SPATC1: variants seen among roughly 807,000 people sequenced by gnomAD.
The protein encoded by SPATC1 is speriolin.
A neutral mutation model predicts 36.5 loss-of-function variants in SPATC1; 35 were observed. That is an observed-to-expected ratio of 0.96 (90% CI 0.73 to 1.27). The LOEUF is 1.27. SPATC1 is among the 50% of genes most tolerant of loss of function. The pLI is 0.00. For missense variants in SPATC1, 779 were observed against 796.0 expected (o/e 0.98, Z 0.26); for synonymous variants, 361 against 353.6 (o/e 1.02, Z -0.24).
Position 144,016,720 on chromosome 8 carries a change from C to T in SPATC1, c.211+3994C>T, listed in dbSNP as rs1834402256. 6.6e-6 allele frequency among the ~76,000 whole-genome samples: 1 copy of T among 152,182 alleles called. No homozygotes were observed. Among genetic ancestry groups the T allele is most frequent in the South Asian group, 2.1e-4 (1 of 4,832 alleles). On this transcript the variant is annotated intron_variant, in intron 1 of 4. Transcript: ENST00000377470. This position sits in a 1 kb window ranked among gnomAD's most constrained non-coding sequence, Gnocchi z 4.5. Reference sequence around the variant, plus strand: ...GCGCAATCTCGGCTCACCGCAACCTCCACCTCCCGAGTTCAAGTGATTCTC... The same window carrying T: ...GCGCAATCTCGGCTCACCGCAACCTTCACCTCCCGAGTTCAAGTGATTCTC...
chr8:144,036,271 G>A (rs1296046131), intron 1 of SPATC1, among the ~76,000 whole-genome samples: 2 of 152,090 alleles, frequency 1.3e-5, no homozygotes, highest in Non-Finnish European at 2.9e-5. Context: ...AAGTAAAAGA[G>A]CAGCTGACTG....
intron 1 of SPATC1, among the ~76,000 whole-genome samples, chr8:144,037,652 C>G (rs1170120762): frequency 6.6e-6 from 1 of 151,940 alleles, no homozygotes; most frequent in East Asian, 1.9e-4. Context: ...CTCAAGTACC[C>G]AGGGACACAA....
chr8:144,014,304 T>C lies in SPATC1; in HGVS notation c.211+1578T>C, dbSNP rs1254215193. The stretch of plus-strand genomic sequence containing the variant: ...GAGAGAGAGAGGAAGGAAGGAAGGA[T>C]GGAAGGGAGGGAAAGGAAAAAAGAA... On this transcript the variant is annotated intron_variant, in intron 1 of 4. Transcript: ENST00000377470. 3.7e-5 allele frequency among the ~76,000 whole-genome samples: 4 copies of C among 107,386 alleles called. No homozygotes were observed. The South Asian group carries it at 1.1e-3, about 30-fold the overall frequency. The allele number at this position is 107,386 out of a possible 152,430, so 70.4% of individuals were successfully genotyped here. A position where few individuals can be genotyped will look rare whatever the true frequency, so the allele number is the denominator to read the frequency against.
In SPATC1 at chr8:144,019,455, T is replaced by TGTTGGCC. The variant is rs1441220946; in HGVS notation, c.211+6738_211+6744dup. On this transcript the variant is annotated intron_variant, in intron 1 of 4. Coordinates refer to ENST00000377470, the MANE Select transcript of SPATC1 (RefSeq NM_198572.3). ...TCTGAAGAGGCAGGAAATCAGAAAATGTTGGCCGTTGGCCGAGTTAACTTC... is the reference window on the plus strand; with the variant it reads ...TCTGAAGAGGCAGGAAATCAGAAAATGTTGGCCGTTGGCCGTTGGCCGAGTTAACTTC... Among the ~76,000 whole-genome samples, 18 of 151,932 alleles carry TGTTGGCC rather than the reference T, an allele frequency of 1.2e-4. No individual in the cohort carries two copies. The East Asian group carries it at 3.1e-3, about 26-fold the overall frequency.
Position 144,041,300 on chromosome 8 carries a change from T to C in SPATC1, c.1375T>C (p.Ser459Pro). The stretch of plus-strand genomic sequence containing the variant: ...CTTCCAGCTGGACCGCAGGATCCTG[T>C]CCAGCATCTTCCCAGAGCGCGTACG... ...IAFQLDRRIL[S>P]SIFPERVRLY... Residue 459 changes from serine to proline, a missense_variant, in exon 4 of 5, where the codon TCC (serine) becomes CCC (proline). By Grantham distance (74) the Ser-to-Pro change is moderately conservative. Transcript: ENST00000377470. 1 of 1,613,174 alleles carries C rather than the reference T, an allele frequency of 6.2e-7. No individual in the cohort carries two copies. Among genetic ancestry groups the C allele is most frequent in the Non-Finnish European group, 8.5e-7 (1 of 1,179,998 alleles).
intron 1 of SPATC1, among the ~76,000 whole-genome samples, chr8:144,014,190 G>A (rs1554752813): frequency 6.6e-6 from 1 of 152,126 alleles, no homozygotes; most frequent in Non-Finnish European, 1.5e-5. Context: ...GGCAGAGGTT[G>A]CAGTGAGCCG....
Position 144,046,859 on chromosome 8 carries a change from A to T in SPATC1, c.1679A>T (p.Glu560Val). Residue 560 changes from glutamate (E) to valine (V), a missense_variant, in exon 5 of 5, where the codon GAG (glutamate) becomes GTG (valine). Physicochemically the swap from Glu to Val is moderately radical, Grantham distance 121 (BLOSUM62 -2). Coordinates refer to ENST00000377470, the MANE Select transcript of SPATC1 (RefSeq NM_198572.3). The surrounding 1 kb of genome is among the most constrained non-coding windows in gnomAD (Gnocchi z 6.6). ...TVDFLQRVVVETVHPGMLADA... is the reference protein window; with the variant it reads ...TVDFLQRVVVVTVHPGMLADA... ...GACTTCCTGCAGCGTGTGGTGGTGGAGACCGTGCACCCCGGCATGCTCGCC... is the reference window on the plus strand; with the variant it reads ...GACTTCCTGCAGCGTGTGGTGGTGGTGACCGTGCACCCCGGCATGCTCGCC... The T allele has an allele frequency of 1.2e-6, 2 of 1,601,434 alleles. No homozygotes were observed. Among genetic ancestry groups the T allele is most frequent in the Non-Finnish European group, 1.7e-6 (2 of 1,179,804 alleles).
At position 144,039,821 on chromosome 8, in the gene SPATC1, C is replaced by T. The variant is rs183551771; in HGVS notation, c.212-88C>T. Reference sequence around the variant, plus strand: ...GGGACAGATGGGCACTATGGCCAGGCCCTACCACAGTGACAGAGCCTGTGA... The same window carrying T: ...GGGACAGATGGGCACTATGGCCAGGTCCTACCACAGTGACAGAGCCTGTGA... On this transcript the variant is annotated intron_variant, in intron 1 of 4. Transcript: ENST00000377470. The T allele has an allele frequency of 1.3e-3, 1,840 of 1,396,314 alleles. 15 individuals are homozygous for T. The highest frequency in any genetic ancestry group is 6.7e-4 in the Middle Eastern group (3 of 4,506). 86.5% of individuals were successfully genotyped at this position (1,396,314 alleles called of 1,614,324 possible). A position where few individuals can be genotyped will look rare whatever the true frequency, so the allele number is the denominator to read the frequency against.
chr8:144,029,178 C>T (rs1452276977), intron 1 of SPATC1, among the ~76,000 whole-genome samples: 1 of 119,098 alleles, frequency 8.4e-6, no homozygotes, highest in Non-Finnish European at 1.6e-5. Flanking sequence ...CAAACCTGCA[C>T]ATCCTACACA....
chr8:144,012,305 T>C lies in SPATC1; in HGVS notation c.-211T>C, dbSNP rs1834293750. 1 of 579,474 alleles carries C rather than the reference T, an allele frequency of 1.7e-6. No individual in the cohort carries two copies. Among genetic ancestry groups the C allele is most frequent in the East Asian group, 2.8e-5 (1 of 35,108 alleles). 35.9% of individuals were successfully genotyped at this position (579,474 alleles called of 1,614,324 possible). A position where few individuals can be genotyped will look rare whatever the true frequency, so the allele number is the denominator to read the frequency against. On this transcript the variant is annotated 5_prime_UTR_variant, in exon 1 of 5. Transcript: ENST00000377470. Reference sequence around the variant, plus strand: ...ACATTCCAGGCCGAGGCAAGGCCTGTGTACAGGCCTGGTGGCATGGAGAGC... The same window carrying C: ...ACATTCCAGGCCGAGGCAAGGCCTGCGTACAGGCCTGGTGGCATGGAGAGC...
At chr8:144,025,194 C>T (rs1834651999) in intron 1 of SPATC1, among the ~76,000 whole-genome samples, 1 of 152,118 alleles carries the variant, frequency 6.6e-6, no homozygotes, top group Non-Finnish European at 1.5e-5. Flanking sequence ...GGGCCCTCTC[C>T]CCTTAGCACC....
intron 1 of SPATC1, among the ~76,000 whole-genome samples, chr8:144,035,356 C>T (rs1011828763): frequency 8.5e-5 from 13 of 152,224 alleles, no homozygotes; most frequent in African/African-American, 2.9e-4. Flanking sequence ...ACCCAGCTCA[C>T]GGCAGCCACA....
chr8:144,015,829 G>A (rs1554753153), intron 1 of SPATC1, among the ~76,000 whole-genome samples: 1 of 151,774 alleles, frequency 6.6e-6, no homozygotes, highest in South Asian at 2.1e-4. Flanking sequence ...GGGAGGCCGA[G>A]GTGGAGGATC....
intron 1 of SPATC1, among the ~76,000 whole-genome samples, chr8:144,038,095 T>C (rs1834961111): frequency 2.1e-5 from 3 of 144,874 alleles, no homozygotes; most frequent in South Asian, 4.4e-4. Context: ...ACCACTGCAC[T>C]CCAGCCTGGG....
chr8:144,023,221 CAGGACCTA>C (rs1834585329), intron 1 of SPATC1, among the ~76,000 whole-genome samples: 1 of 139,938 alleles, frequency 7.1e-6, no homozygotes, highest in Non-Finnish European at 1.6e-5. Context: ...CCTCTCCCCT[CAGGACCTA>C]CCCTCTTCCC....
At chr8:144,038,779 T>C (rs1834982345) in intron 1 of SPATC1, among the ~76,000 whole-genome samples, 1 of 152,190 alleles carries the variant, frequency 6.6e-6, no homozygotes, top group Non-Finnish European at 1.5e-5. Flanking sequence ...AAATCCAAAA[T>C]GTCGTATTCA....
In SPATC1 at chr8:144,042,306, TA is replaced by T. The variant is rs1564280942; in HGVS notation, c.1446+936del. 7.7e-3 allele frequency among the ~76,000 whole-genome samples: 545 copies of T among 70,872 alleles called. 3 individuals are homozygous for T. Among genetic ancestry groups the T allele is most frequent in the Non-Finnish European group, 1.0e-2 (411 of 41,240 alleles). The allele number at this position is 70,872 out of a possible 152,430, so 46.5% of individuals were successfully genotyped here. A position where few individuals can be genotyped will look rare whatever the true frequency, so the allele number is the denominator to read the frequency against. ...GCTAATATATATATATATATATATATATATATTTTTTTTTTTTTTTTTTTTT... is the reference window on the plus strand; with the variant it reads ...GCTAATATATATATATATATATATATTATATTTTTTTTTTTTTTTTTTTTT... On this transcript the variant is annotated intron_variant, in intron 4 of 4. Transcript: ENST00000377470.
chr8:144,040,546 T>G, intron 2 of SPATC1, 22 bp from the exon 3 acceptor site: 1 of 1,565,490 alleles, frequency 6.4e-7, no homozygotes. Flanking sequence ...TTTTTTTATT[T>G]CTGTTCCCTC....
intron 4 of SPATC1, among the ~76,000 whole-genome samples, chr8:144,042,311 A>ATATATTTTTTTTT (rs1412021347): frequency 8.4e-5 from 2 of 23,884 alleles, no homozygotes; most frequent in Non-Finnish European, 1.3e-4. Context: ...ATATATATAT[A>ATATATTTTTTTTT]TTTTTTTTTT....
Sources: gnomAD v4.1 joint callset for allele counts (sites outside exome capture counted in the v4.1 genomes callset) on GRCh38, gnomAD v4.1.1 for gene constraint, Gnocchi (gnomAD v3.1) non-coding constraint, MANE v1.5 for transcripts, NCBI Gene and HGNC (gene_info 2026-07-23, HGNC 2026-07-21) for gene names.